ITFG2: variants seen among roughly 807,000 people sequenced by gnomAD.
ITFG2 encodes the protein KICSTOR complex protein ITFG2.
ITFG2 carries 36 observed loss-of-function variants against 54.4 expected under a neutral mutation model. The observed-to-expected ratio is 0.66, with a 90% CI of 0.51 to 0.87. The LOEUF is 0.87. Ranked by LOEUF, ITFG2 falls within the 40% of genes least tolerant of loss-of-function variation. The pLI is 0.00. For synonymous variants in ITFG2, 211 were observed against 225.4 expected (o/e 0.94, Z 0.57); for missense variants, 524 against 576.7 (o/e 0.91, Z 0.94).
At chr12:2,858,693 T>C in intron 3 of ITFG2, 2 of 1,614,100 alleles carry the variant, frequency 1.2e-6, no homozygotes, top group East Asian at 2.2e-5. Flanking sequence ...GCCCAGTGGG[T>C]CCTCGTCCAG....
intron 2 of ITFG2, among the ~76,000 whole-genome samples, chr12:2,856,342 C>T (rs1029279100): frequency 6.6e-6 from 1 of 152,120 alleles, no homozygotes; most frequent in African/African-American, 2.4e-5. Flanking sequence ...TTTTAAAATG[C>T]TTCGCCCTCC....
At position 2,820,841 on chromosome 12, in the gene ITFG2, C is replaced by A; in HGVS notation, c.664C>A (p.Pro222Thr). Residue 222 changes from proline to threonine, a missense_variant, in exon 6 of 12, where the codon CCT becomes ACT. Physicochemically the swap from Pro to Thr is conservative, Grantham distance 38. Coordinates refer to ENST00000228799, the MANE Select transcript of ITFG2 (RefSeq NM_018463.4). ...CTWKKDTGSPPASEGPTDGSR... is the reference protein window; with the variant it reads ...CTWKKDTGSPTASEGPTDGSR... ...CTGGAAAAAGGACACTGGGTCCCCT[C>A]CTGCCTCTGAAGGGCCCACGGATGG... The A allele has an allele frequency of 6.2e-7, 1 of 1,614,060 alleles. No homozygotes were observed. The highest frequency in any genetic ancestry group is 8.5e-7 in the Non-Finnish European group (1 of 1,179,964).
intron 4 of ITFG2, among the ~76,000 whole-genome samples, chr12:2,819,391 C>G (rs1386141234): frequency 6.6e-6 from 1 of 152,024 alleles, no homozygotes; most frequent in African/African-American, 2.4e-5. Context: ...TGGCATGAAC[C>G]CAGGAGGCAG....
At chr12:2,830,945 G>A, downstream of ITFG2, 1 of 1,458,116 alleles carries the variant, frequency 6.9e-7, no homozygotes, top group Non-Finnish European at 9.3e-7. Context: ...GATACCCCAG[G>A]ATGCTCCCCC....
intron 4 of ITFG2, 57 bp from the exon 5 acceptor site, chr12:2,820,029 G>C (rs1169032254): frequency 6.4e-7 from 1 of 1,550,842 alleles, no homozygotes; most frequent in Non-Finnish European, 8.7e-7. Context: ...ACTGTTAGCA[G>C]AGGAGCGGGG....
At chr12:2,821,909 C>A in intron 9 of ITFG2, 117 bp downstream of exon 9, 3 of 690,924 alleles carry the variant, frequency 4.3e-6, no homozygotes, top group Non-Finnish European at 7.3e-6. Flanking sequence ...TATCTTTAGT[C>A]TCTGTCTCTT....
At chr12:2,853,592 G>GTTGTTT (rs796760977) in intron 2 of ITFG2, among the ~76,000 whole-genome samples, 2 of 150,142 alleles carry the variant, frequency 1.3e-5, no homozygotes, top group Non-Finnish European at 3.0e-5. Flanking sequence ...TGTTGTTGTT[G>GTTGTTT]TTGTTTTTGT....
At chr12:2,831,005 G>A, downstream of ITFG2, 20 of 685,236 alleles carry the variant, frequency 2.9e-5, no homozygotes, top group South Asian at 4.2e-4. Flanking sequence ...TAGGGTCCCA[G>A]ATAATGAGAG....
chr12:2,852,457 C>G (rs774038819), intron 2 of ITFG2, among the ~76,000 whole-genome samples: 1 of 152,142 alleles, frequency 6.6e-6, no homozygotes, highest in African/African-American at 2.4e-5. Context: ...GCCTCGACCT[C>G]CTGGGCTCAG....
In ITFG2 at chr12:2,812,850, C is replaced by T. The variant is rs1458232153; in HGVS notation, c.90C>T (p.Asn30=). 5.9e-5 allele frequency: 95 copies of T among 1,610,696 alleles called. No homozygotes were observed. The highest frequency in any genetic ancestry group is 8.0e-5 in the Non-Finnish European group (94 of 1,177,956). ...PHAICLGDVD[N]DTLNELVVGD... ...CAATCTGCCTCGGAGACGTTGATAA[C>T]GATACGGTAGGTGCATGCGCACCGC... The change falls in exon 1 of 12, where the codon AAC becomes AAT. Residue 30 remains asparagine (N), a synonymous_variant. Transcript: ENST00000228799.
downstream of ITFG2, chr12:2,828,357 A>G (rs746329204): frequency 1.1e-5 from 17 of 1,614,056 alleles, no homozygotes; most frequent in African/African-American, 2.7e-5. Flanking sequence ...CATCCAGCAG[A>G]GATCCGATTG....
intron 2 of ITFG2, among the ~76,000 whole-genome samples, chr12:2,856,650 A>G (rs1191301074): frequency 6.6e-6 from 1 of 152,210 alleles, no homozygotes; most frequent in East Asian, 1.9e-4. Context: ...GGCGTGAGCC[A>G]CTGTGCCTGG....
chr12:2,854,074 G>A (rs1316311289), intron 2 of ITFG2, among the ~76,000 whole-genome samples: 1 of 152,142 alleles, frequency 6.6e-6, no homozygotes, highest in Non-Finnish European at 1.5e-5. Flanking sequence ...TGCCCCGGCT[G>A]GAGTGCAATG....
intron 2 of ITFG2, among the ~76,000 whole-genome samples, chr12:2,849,778 A>G (rs1253712733): frequency 6.6e-6 from 1 of 152,166 alleles, no homozygotes; most frequent in East Asian, 1.9e-4. Flanking sequence ...TCCTTTTGAC[A>G]TACTGCATAT....
rs772237742 is a variant in ITFG2, at chr12:2,820,868, A to T, written c.691A>T (p.Ser231Cys). 6.2e-7 allele frequency: 1 copy of T among 1,613,946 alleles called. No individual in the cohort carries two copies. Residue 231 changes from serine (S) to cysteine (C), a missense_variant, in exon 6 of 12, where the codon AGT becomes TGT. Physicochemically the swap from Ser to Cys is moderately radical, Grantham distance 112. Transcript: ENST00000228799. ...PPASEGPTDG[S>C]RETPAARDVV... ...TGCCTCTGAAGGGCCCACGGATGGT[A>T]GTAGGTAAGGGGGTACAGGCCAGTG... is the stretch of plus-strand genomic sequence containing the variant.
intron 9 of ITFG2, 117 bp downstream of exon 9, chr12:2,821,909 C>T (rs1432042441): frequency 5.8e-6 from 4 of 690,850 alleles, no homozygotes; most frequent in African/African-American, 5.5e-5. Flanking sequence ...TATCTTTAGT[C>T]TCTGTCTCTT....
At chr12:2,841,077 C>G (rs145450188) in intron 2 of ITFG2, 41 of 152,884 alleles carry the variant, frequency 2.7e-4, no homozygotes, top group Non-Finnish European at 4.3e-4. Context: ...CTTTCTCCAT[C>G]CCCTCTGTCA....
rs571487709 is a variant in ITFG2 at position 2,858,296 on chromosome 12, C to T, written n.585C>T. 9 of 237,784 alleles carry T rather than the reference C, an allele frequency of 3.8e-5. No homozygotes were observed. The South Asian group carries it at 1.0e-3, about 27-fold the overall frequency. The allele number at this position is 237,784 out of a possible 1,614,324, so 14.7% of individuals were successfully genotyped here. ...TAGAGGATAATTTGGAGAATTTATA[C>T]TATTTACACGGACCACCCTGCAAAG... On this transcript the variant is annotated non_coding_transcript_exon_variant, in exon 3 of 4. Coordinates refer to the ITFG2 transcript ENST00000537710.
intron 2 of ITFG2, chr12:2,857,050 G>C: frequency 1.4e-6 from 1 of 702,886 alleles, no homozygotes; most frequent in East Asian, 2.7e-5. Flanking sequence ...AGAGCCAGGA[G>C]GGGCGGCTTT....
Sources: gnomAD v4.1 joint callset for allele counts (sites outside exome capture counted in the v4.1 genomes callset) on GRCh38, gnomAD v4.1.1 for gene constraint, MANE v1.5 for transcripts, NCBI Gene and HGNC (gene_info 2026-07-23, HGNC 2026-07-21) for gene names.